The following SPG21 variants were observed in gnomAD, a reference collection of about 807,000 sequenced individuals.
SPG21 encodes the protein maspardin.
In SPG21, 26 loss-of-function variants were observed where a neutral mutation model predicts 38.9. The observed-to-expected ratio is 0.67, with a 90% CI of 0.49 to 0.93. The LOEUF is 0.93. Ranked by LOEUF, SPG21 falls within the 40% of genes least tolerant of loss-of-function variation. The pLI, the probability that SPG21 is intolerant of heterozygous loss-of-function variation, is 0.00. For synonymous variants in SPG21, 136 were observed against 128.9 expected (o/e 1.05, Z -0.37); for missense variants, 333 against 376.5 (o/e 0.88, Z 0.96).
chr15:64,986,725 C>A (rs1852988377), intron 1 of SPG21, among the ~76,000 whole-genome samples: 1 of 150,276 alleles, frequency 6.7e-6, no homozygotes, highest in Non-Finnish European at 1.5e-5. Flanking sequence ...AACAAAAAAA[C>A]AAAAAACAAA....
chr15:64,987,687 G>A (rs140552633), intron 1 of SPG21, among the ~76,000 whole-genome samples: 218 of 152,256 alleles, frequency 1.4e-3, no homozygotes, highest in African/African-American at 4.8e-3. Context: ...CCCTCTTCAG[G>A]GTGTGCTGTG....
intron 5 of SPG21, among the ~76,000 whole-genome samples, chr15:64,971,012 T>C (rs965717704): frequency 5.3e-5 from 8 of 152,122 alleles, no homozygotes; most frequent in African/African-American, 1.7e-4. Context: ...AGTGCTGGGA[T>C]CACAGGCGTG....
At chr15:64,983,674 C>T (rs1459244540) in intron 1 of SPG21, 81 bp from the exon 2 acceptor site, 2 of 862,122 alleles carry the variant, frequency 2.3e-6, no homozygotes, top group Non-Finnish European at 3.8e-6. Flanking sequence ...TCTAGCTATA[C>T]CAACAATATT....
chr15:64,983,605 G>T lies in SPG21; in HGVS notation c.-24-12C>A, dbSNP rs751773312. 1.4e-6 allele frequency: 2 copies of T among 1,443,088 alleles called. No homozygotes were observed. The highest frequency in any genetic ancestry group is 1.4e-5 in the African/African-American group (1 of 71,382). 89.4% of individuals were successfully genotyped at this position (1,443,088 alleles called of 1,614,324 possible). ...AATGGAGGTTAATCCTGAAATAAAA[G>T]CATGTGATATTTCACGTCAAGAATT... On this transcript the variant is annotated splice_polypyrimidine_tract_variant and intron_variant, in intron 1 of 8. Transcript: ENST00000204566.
At position 64,963,750 on chromosome 15, in the gene SPG21, G is replaced by C; in HGVS notation, c.811-14C>G. The C allele has an allele frequency of 8.1e-6, 13 of 1,606,526 alleles. No homozygotes were observed. The highest frequency in any genetic ancestry group is 1.0e-5 in the Non-Finnish European group (12 of 1,173,358). On this transcript the variant is annotated splice_polypyrimidine_tract_variant and intron_variant, in intron 8 of 8. Transcript: ENST00000204566. ...CAGCAAATGTATCTGTTGAAATGCAGAATCATTATTTTATTTATTTTTTGA... is the reference window on the plus strand; with the variant it reads ...CAGCAAATGTATCTGTTGAAATGCACAATCATTATTTTATTTATTTTTTGA...
At chr15:64,969,921 G>A (rs111488477) in intron 6 of SPG21, among the ~76,000 whole-genome samples, 193 bp downstream of exon 6, 1 of 152,176 alleles carries the variant, frequency 6.6e-6, no homozygotes, top group Non-Finnish European at 1.5e-5. Context: ...TCCCCTAAGT[G>A]ATTTTGATGA....
chr15:64,979,489 G>C (rs1434236777), intron 3 of SPG21, among the ~76,000 whole-genome samples: 1 of 152,182 alleles, frequency 6.6e-6, no homozygotes, highest in Non-Finnish European at 1.5e-5. Flanking sequence ...GTGAGGAATG[G>C]TTAAAGAAGC....
At chr15:64,981,063 A>G (rs539158496) in intron 2 of SPG21, 38 bp from the exon 3 acceptor site, 76 of 1,613,040 alleles carry the variant, frequency 4.7e-5, no homozygotes, top group Non-Finnish European at 6.3e-5. Flanking sequence ...GGAAAACCTT[A>G]TAAATTTGCT....
At chr15:64,978,273 C>G (rs2085824457) in intron 3 of SPG21, among the ~76,000 whole-genome samples, 1 of 151,824 alleles carries the variant, frequency 6.6e-6, no homozygotes, top group Non-Finnish European at 1.5e-5. Flanking sequence ...CATGGTGAAA[C>G]CCCATCTCTA....
chr15:64,981,288 C>CCTT, intron 2 of SPG21: 1 of 360,020 alleles, frequency 2.8e-6, no homozygotes, highest in South Asian at 2.8e-5. Flanking sequence ...TCCCCCTCCT[C>CCTT]CTTTTTTTTT....
Position 64,963,223 on chromosome 15 carries a change from G to C in SPG21, c.*397C>G, listed in dbSNP as rs1410660196. The C allele has an allele frequency of 1.0e-5, 2 of 190,652 alleles. No individual in the cohort carries two copies. The highest frequency in any genetic ancestry group is 4.7e-5 in the African/African-American group (2 of 42,158). 11.8% of individuals were successfully genotyped at this position (190,652 alleles called of 1,614,324 possible). On this transcript the variant is annotated 3_prime_UTR_variant, in exon 9 of 9. Coordinates refer to ENST00000204566, the MANE Select transcript of SPG21 (RefSeq NM_016630.7). ...ATGTCCTGATATGCAATCTGGATGT[G>C]CAGCATTTACAGCAAACAACATAAA...
intron 2 of SPG21, among the ~76,000 whole-genome samples, chr15:64,982,706 C>G (rs1191083331): frequency 6.6e-6 from 1 of 152,194 alleles, no homozygotes; most frequent in Admixed American, 6.5e-5. Flanking sequence ...ATTTGGGAAG[C>G]AGAGTCAATA....
intron 1 of SPG21, among the ~76,000 whole-genome samples, chr15:64,986,145 A>C (rs534783765): frequency 6.6e-6 from 1 of 152,210 alleles, no homozygotes; most frequent in South Asian, 2.1e-4. Flanking sequence ...AGGCAGGTGG[A>C]TCACGAGGTC....
intron 3 of SPG21, among the ~76,000 whole-genome samples, chr15:64,979,765 T>C (rs1271663257): frequency 6.7e-6 from 1 of 148,322 alleles, no homozygotes; most frequent in African/African-American, 2.5e-5. Flanking sequence ...AAGTGAATAC[T>C]GCAGGCGACT....
In SPG21 at chr15:64,963,383, G is replaced by A. The variant is rs1424760360; in HGVS notation, c.*237C>T. 1 of 480,442 alleles carries A rather than the reference G, an allele frequency of 2.1e-6. No homozygotes were observed. Among genetic ancestry groups the A allele is most frequent in the Non-Finnish European group, 3.7e-6 (1 of 268,856 alleles). 29.8% of individuals were successfully genotyped at this position (480,442 alleles called of 1,614,324 possible). The stretch of plus-strand genomic sequence containing the variant: ...AAAATTTGCACGGTTCTTAAAATGG[G>A]AGTCTTCAAAAGTACTTCTTCAAAT... On this transcript the variant is annotated 3_prime_UTR_variant, in exon 9 of 9. Transcript: ENST00000204566.
At position 64,976,469 on chromosome 15, in the gene SPG21, A is replaced by G; in HGVS notation, c.306+6T>C. 3.1e-6 allele frequency: 5 copies of G among 1,596,050 alleles called. No individual in the cohort carries two copies. The highest frequency in any genetic ancestry group is 4.3e-6 in the Non-Finnish European group (5 of 1,163,812). Reference sequence around the variant, plus strand: ...GTATGTATGTAATTAGTTTCAGGGTACTCACTTTATCCAATTGTAAATGGT... The same window carrying G: ...GTATGTATGTAATTAGTTTCAGGGTGCTCACTTTATCCAATTGTAAATGGT... On this transcript the variant is annotated splice_donor_region_variant and intron_variant, in intron 4 of 8. Coordinates refer to ENST00000204566, the MANE Select transcript of SPG21 (RefSeq NM_016630.7).
chr15:64,968,647 C>T (rs1004308633), intron 7 of SPG21, among the ~76,000 whole-genome samples: 18 of 151,814 alleles, frequency 1.2e-4, no homozygotes, highest in African/African-American at 4.4e-4. Flanking sequence ...TACTTAATGC[C>T]ACTGAACTAT....
chr15:64,985,809 T>G (rs533198761), intron 1 of SPG21, among the ~76,000 whole-genome samples: 2 of 152,328 alleles, frequency 1.3e-5, no homozygotes, highest in South Asian at 4.1e-4. Flanking sequence ...GACTCAACTG[T>G]GACCTTGGAG....
chr15:64,963,819 C>G, intron 8 of SPG21, 83 bp from the exon 9 acceptor site: 1 of 1,290,296 alleles, frequency 7.8e-7, no homozygotes, highest in Non-Finnish European at 1.1e-6. Flanking sequence ...TGCAGTGGCA[C>G]TATCTTGGTT....
Sources: gnomAD v4.1 joint callset for allele counts (sites outside exome capture counted in the v4.1 genomes callset) on GRCh38, gnomAD v4.1.1 for gene constraint, MANE v1.5 for transcripts, NCBI Gene and HGNC (gene_info 2026-07-23, HGNC 2026-07-21) for gene names.